Variants in OGA observed in about 807,000 individuals in gnomAD.
The protein encoded by OGA is protein O-GlcNAcase.
Under a neutral mutation model 102.0 loss-of-function variants are expected in OGA, and 21 were observed. The observed-to-expected ratio is 0.21, with a 90% CI of 0.15 to 0.30. The LOEUF (loss-of-function observed/expected upper bound fraction) is 0.30. Among genes scored for constraint, OGA ranks in the 10% least tolerant of loss-of-function variants. OGA has a pLI of 1.00. For missense variants in OGA, 765 were observed against 1,107.8 expected (o/e 0.69, Z 4.39); for synonymous variants, 408 against 378.2 (o/e 1.08, Z -0.91).
chr10:101,813,256 T>C (rs1018907089), intron 2 of OGA, 129 bp from the exon 3 acceptor site: 1 of 674,436 alleles, frequency 1.5e-6, no homozygotes, highest in African/African-American at 1.8e-5. Context: ...GCTTTTAACC[T>C]TTTTGTAATC....
chr10:101,805,309 G>GT (rs1347700362), intron 6 of OGA, among the ~76,000 whole-genome samples: 1 of 152,136 alleles, frequency 6.6e-6, no homozygotes, highest in African/African-American at 2.4e-5. Flanking sequence ...CATGATAGAT[G>GT]TTTTTTCATA....
chr10:101,815,963 G>GAAAAAAAAAAAAAAAAAAAAAAA (rs1364147466), intron 1 of OGA, among the ~76,000 whole-genome samples: 1 of 44,978 alleles, frequency 2.2e-5, no homozygotes, highest in Admixed American at 2.5e-4. Context: ...CAAAAAGAGA[G>GAAAAAAAAAAAAAAAAAAAAAAA]AAAAAAAAAA....
intron 15 of OGA, 33 bp downstream of exon 15, chr10:101,787,331 C>T: frequency 1.9e-6 from 3 of 1,538,942 alleles, no homozygotes; most frequent in Non-Finnish European, 2.6e-6. Context: ...CTATCTTGCC[C>T]AAATACCACC....
chr10:101,799,686 C>T (rs967141293), intron 8 of OGA, among the ~76,000 whole-genome samples: 1 of 152,112 alleles, frequency 6.6e-6, no homozygotes, highest in African/African-American at 2.4e-5. Flanking sequence ...ATTACATTCT[C>T]TTTTGAAAAT....
intron 7 of OGA, among the ~76,000 whole-genome samples, chr10:101,801,090 C>T (rs948135465): frequency 1.3e-5 from 2 of 151,372 alleles, no homozygotes; most frequent in East Asian, 3.9e-4. Context: ...TTAATAAAGG[C>T]GCTGAGGGAA....
At chr10:101,787,763 T>G (rs549439027) in intron 14 of OGA, 12 of 337,222 alleles carry the variant, frequency 3.6e-5, no homozygotes, top group South Asian at 1.4e-4. Flanking sequence ...GCACGCGCTC[T>G]CTCTCTCTCT....
Position 101,800,417 on chromosome 10 carries a change from A to T in OGA, c.1037-17T>A. On this transcript the variant is annotated splice_polypyrimidine_tract_variant and intron_variant, in intron 7 of 15. Transcript: ENST00000361464. ...CACTGTCAGCTGCAAAAAATAAAAT[A>T]AAAAAGCACAAAAATAGTTTTGATT... The T allele has an allele frequency of 6.3e-7, 1 of 1,592,430 alleles. No individual in the cohort carries two copies. Among genetic ancestry groups the T allele is most frequent in the Non-Finnish European group, 8.6e-7 (1 of 1,168,422 alleles).
rs985881415 is a variant in OGA at position 101,817,703 on chromosome 10, G to C, written c.199+121C>G. On this transcript the variant is annotated intron_variant, in intron 1 of 15. Coordinates refer to ENST00000361464, the MANE Select transcript of OGA (RefSeq NM_012215.5). Reference sequence around the variant, plus strand: ...CTCGTCTCTCCCCTCGCTTTAGGAGGGCCACATTTCAGACCCAGAGGCTTT... The same window carrying C: ...CTCGTCTCTCCCCTCGCTTTAGGAGCGCCACATTTCAGACCCAGAGGCTTT... 3.6e-6 allele frequency: 4 copies of C among 1,113,974 alleles called. No homozygotes were observed. The African/African-American group carries it at 6.3e-5, about 18-fold the overall frequency. The allele number at this position is 1,113,974 out of a possible 1,614,324, so 69.0% of individuals were successfully genotyped here.
chr10:101,803,031 C>G (rs1458405860), intron 7 of OGA, among the ~76,000 whole-genome samples: 3 of 142,626 alleles, frequency 2.1e-5, no homozygotes, highest in East Asian at 4.2e-4. Context: ...ATCCCAGCTA[C>G]TCGGGAGGCT....
chr10:101,806,277 A>T (rs2065472767), intron 5 of OGA, 134 bp from the exon 6 acceptor site: 2 of 543,176 alleles, frequency 3.7e-6, no homozygotes, highest in African/African-American at 1.9e-5. Context: ...ATCTCGGCTC[A>T]CTGCAACCTC....
At chr10:101,801,034 G>A (rs1029176343) in intron 7 of OGA, among the ~76,000 whole-genome samples, 1 of 151,284 alleles carries the variant, frequency 6.6e-6, no homozygotes, top group Admixed American at 6.6e-5. Flanking sequence ...GCCTCCCAAA[G>A]TGCTGAGATT....
intron 3 of OGA, 36 bp from the exon 4 acceptor site, chr10:101,810,350 C>T (rs561020389): frequency 1.9e-6 from 3 of 1,566,792 alleles, no homozygotes; most frequent in Admixed American, 2.0e-5. Context: ...GAAAGCAGAA[C>T]AGAAAACTAA....
intron 1 of OGA, among the ~76,000 whole-genome samples, chr10:101,814,369 A>G (rs1214960614): frequency 6.6e-6 from 1 of 152,212 alleles, no homozygotes; most frequent in Admixed American, 6.5e-5. Flanking sequence ...AAACAGGTAA[A>G]GCAATTAAAA....
intron 7 of OGA, among the ~76,000 whole-genome samples, chr10:101,803,505 C>A (rs2065425020): frequency 6.6e-6 from 1 of 151,030 alleles, no homozygotes; most frequent in African/African-American, 2.4e-5. Flanking sequence ...GTGACTTGTC[C>A]AAAGACACTC....
chr10:101,809,951 G>A (rs2065531094), intron 4 of OGA, among the ~76,000 whole-genome samples: 1 of 151,528 alleles, frequency 6.6e-6, no homozygotes, highest in Non-Finnish European at 1.5e-5. Flanking sequence ...GCTGAGGCAG[G>A]AGAATCACTT....
Position 101,818,007 on chromosome 10 carries a change from T to C in OGA, c.16A>G (p.Ser6Gly). ...TCCCGCTCCTCCAACGTCGCTTGAC[T>C]CTCCTTCTGCACCATCCTCCTGCCC... MVQKESQATLEERESE... is the reference protein window; with the variant it reads MVQKEGQATLEERESE... The change falls in exon 1 of 16, where the codon AGT becomes GGT. Residue 6 changes from serine (S) to glycine (G), a missense_variant. Transcript: ENST00000361464. 6.2e-7 allele frequency: 1 copy of C among 1,601,742 alleles called. No individual in the cohort carries two copies. The highest frequency in any genetic ancestry group is 1.1e-5 in the South Asian group (1 of 90,336).
Position 101,785,266 on chromosome 10 carries a change from A to G in OGA, c.*1185T>C, listed in dbSNP as rs183588877. ...AATTAAAATACATGAAGCTTTCACA[A>G]TCCGGTTAAAGGAAAAAGGTAACTG... On this transcript the variant is annotated 3_prime_UTR_variant, in exon 16 of 16. Coordinates refer to ENST00000361464, the MANE Select transcript of OGA (RefSeq NM_012215.5). The G allele has an allele frequency of 2.6e-5, 4 of 152,364 alleles. No individual in the cohort carries two copies. The highest frequency in any genetic ancestry group is 2.0e-4 in the Admixed American group (3 of 15,306). 9.4% of individuals were successfully genotyped at this position (152,364 alleles called of 1,614,324 possible). A position where few individuals can be genotyped will look rare whatever the true frequency, so the allele number is the denominator to read the frequency against.
rs1324511757 is a variant in OGA at position 101,817,515 on chromosome 10, C to T, written c.199+309G>A. On this transcript the variant is annotated intron_variant, in intron 1 of 15. Transcript: ENST00000361464. ...CCCTAGGGAATAAGATCCCAAGGTA[C>T]AAAGAAGTAGAACTCAGAGGCTAAC... Among the ~76,000 whole-genome samples the T allele has an allele frequency of 2.0e-5, 3 of 152,098 alleles. No homozygotes were observed. The East Asian group carries it at 5.8e-4, about 29-fold the overall frequency.
intron 10 of OGA, among the ~76,000 whole-genome samples, chr10:101,795,589 AG>A (rs1361698852): frequency 6.6e-6 from 1 of 152,228 alleles, no homozygotes; most frequent in East Asian, 1.9e-4. Context: ...GAGGAGGAAA[AG>A]GAAGGGTTCC....
Sources: gnomAD v4.1 joint callset for allele counts (sites outside exome capture counted in the v4.1 genomes callset) on GRCh38, gnomAD v4.1.1 for gene constraint, MANE v1.5 for transcripts, NCBI Gene and HGNC (gene_info 2026-07-23, HGNC 2026-07-21) for gene names.